The following THSD4 variants were observed in gnomAD, a reference collection of about 807,000 sequenced individuals.
The protein encoded by THSD4 is thrombospondin type-1 domain-containing protein 4.
A neutral mutation model predicts 119.0 loss-of-function variants in THSD4; 69 were observed. That is an observed-to-expected ratio of 0.58 (90% CI 0.48 to 0.71). THSD4 has a LOEUF of 0.71. Ranked by LOEUF, THSD4 falls within the 30% of genes least tolerant of loss-of-function variation. The pLI, the probability that THSD4 is intolerant of heterozygous loss-of-function variation, is 0.00. For missense variants in THSD4, 1,393 were observed against 1,391.1 expected, an observed-to-expected ratio of 1.00 and a Z score of -0.02; for synonymous variants, 524 against 540.4, an observed-to-expected ratio of 0.97 and a Z score of 0.42.
intron 8 of THSD4, among the ~76,000 whole-genome samples, chr15:71,684,746 T>C (rs991171939): frequency 5.9e-5 from 9 of 152,126 alleles, no homozygotes; most frequent in Non-Finnish European, 1.0e-4. Flanking sequence ...CATTTTGTGC[T>C]ACCTCTCTGA....
At chr15:71,707,930 C>G (rs754570888) in intron 8 of THSD4, among the ~76,000 whole-genome samples, 3 of 152,310 alleles carry the variant, frequency 2.0e-5, no homozygotes, top group Admixed American at 6.5e-5. Context: ...CTGTGTTGTG[C>G]AAGAGTATAT....
intron 7 of THSD4, among the ~76,000 whole-genome samples, chr15:71,644,907 G>A (rs1337567106): frequency 1.4e-5 from 2 of 140,730 alleles, no homozygotes; most frequent in Non-Finnish European, 3.1e-5. Flanking sequence ...ATCCTTAGGC[G>A]GCAATAACGG....
At chr15:71,337,015 G>A (rs776769406) in intron 6 of THSD4, among the ~76,000 whole-genome samples, 40 of 152,174 alleles carry the variant, frequency 2.6e-4, no homozygotes, top group Admixed American at 3.3e-4. Flanking sequence ...AGAGAGAGGG[G>A]AGAGGGAGTG....
chr15:71,660,648 G>T lies in THSD4; in HGVS notation c.1271G>T (p.Ser424Ile). 1 of 1,614,208 alleles carries T rather than the reference G, an allele frequency of 6.2e-7. No homozygotes were observed. The highest frequency in any genetic ancestry group is 8.5e-7 in the Non-Finnish European group (1 of 1,180,030). ...GGCGTGTTTAAGCATGCCCTCACCA[G>T]CCTGGGCTACCACCGCGTCGTGGAG... ...VSGVFKHALT[S>I]LGYHRVVEIP... Residue 424 changes from serine (S) to isoleucine (I), a missense_variant, in exon 8 of 18, where the codon AGC (serine) becomes ATC (isoleucine). Physicochemically the swap from Ser to Ile is moderately radical, Grantham distance 142. Coordinates refer to ENST00000261862, the MANE Select transcript of THSD4 (RefSeq NM_024817.3).
chr15:71,282,462 G>A (rs1402370018), intron 6 of THSD4, among the ~76,000 whole-genome samples: 6 of 92,452 alleles, frequency 6.5e-5, no homozygotes, highest in Admixed American at 2.7e-4. Flanking sequence ...TTGTAAATGT[G>A]AGGTTGATCC....
At chr15:71,752,127 T>C (rs1270252691) in intron 14 of THSD4, among the ~76,000 whole-genome samples, 3 of 152,176 alleles carry the variant, frequency 2.0e-5, no homozygotes, top group Non-Finnish European at 2.9e-5. Flanking sequence ...TTTGCCACTC[T>C]CTGAAAAGGC....
chr15:71,567,596 A>ACCCC (rs149069118), intron 7 of THSD4, among the ~76,000 whole-genome samples: 2,129 of 131,902 alleles, frequency 0.016, 32 homozygotes, highest in African/African-American at 0.027. Context: ...GAACAAAGAC[A>ACCCC]CCCCCCCACA....
At chr15:71,750,150 A>C (rs1027762198) in intron 14 of THSD4, among the ~76,000 whole-genome samples, 1 of 152,100 alleles carries the variant, frequency 6.6e-6, no homozygotes, top group African/African-American at 2.4e-5. Context: ...ATCTTAGGAG[A>C]CACGATGCAG....
chr15:71,537,257 C>T (rs1208324558), intron 7 of THSD4, among the ~76,000 whole-genome samples: 1 of 152,154 alleles, frequency 6.6e-6, no homozygotes, highest in Non-Finnish European at 1.5e-5. Context: ...CCATTCTTGC[C>T]TCCCTCTAAT....
At chr15:71,727,854 C>A (rs1448161384) in intron 8 of THSD4, among the ~76,000 whole-genome samples, 1 of 151,308 alleles carries the variant, frequency 6.6e-6, no homozygotes, top group African/African-American at 2.4e-5. Flanking sequence ...TATAAATCAC[C>A]CATATTCATA....
chr15:71,439,175 C>T (rs1419211579), intron 7 of THSD4, among the ~76,000 whole-genome samples: 1 of 152,164 alleles, frequency 6.6e-6, no homozygotes, highest in Non-Finnish European at 1.5e-5. Context: ...CTTGAGGAAC[C>T]GTCTTCTGCC....
chr15:71,122,795 A>G (rs540106838), intron 1 of THSD4, among the ~76,000 whole-genome samples: 1 of 152,246 alleles, frequency 6.6e-6, no homozygotes, highest in East Asian at 1.9e-4. Context: ...CCCACTCTAA[A>G]AATTGGCACT....
intron 7 of THSD4, among the ~76,000 whole-genome samples, chr15:71,539,427 TCTTC>T (rs2140834285): frequency 6.6e-6 from 1 of 152,344 alleles, no homozygotes; most frequent in East Asian, 1.9e-4. Flanking sequence ...GCATCTTCCT[TCTTC>T]CTTCATAAAG....
At chr15:71,607,991 A>T (rs937288707) in intron 7 of THSD4, among the ~76,000 whole-genome samples, 1 of 152,112 alleles carries the variant, frequency 6.6e-6, no homozygotes. Flanking sequence ...TGGGAGGCCA[A>T]GGCGGGCGGA....
chr15:71,701,295 A>G (rs887783626), intron 8 of THSD4, among the ~76,000 whole-genome samples: 8 of 152,222 alleles, frequency 5.3e-5, no homozygotes, highest in African/African-American at 1.9e-4. Flanking sequence ...AATCAGGACA[A>G]TTCAGATTGT....
chr15:71,496,782 G>T (rs1391145603), intron 7 of THSD4, among the ~76,000 whole-genome samples: 1 of 152,174 alleles, frequency 6.6e-6, no homozygotes, highest in East Asian at 1.9e-4. Flanking sequence ...AAGTGACTCA[G>T]TCTCTACCAT....
At chr15:71,686,683 G>A (rs1433673030) in intron 8 of THSD4, among the ~76,000 whole-genome samples, 2 of 152,194 alleles carry the variant, frequency 1.3e-5, no homozygotes, top group African/African-American at 4.8e-5. Flanking sequence ...TAGTGATGGA[G>A]GACATGGTGC....
In THSD4 at chr15:71,200,634, T is replaced by C. The variant is rs117101406; in HGVS notation, c.100-14401T>C. On this transcript the variant is annotated intron_variant, in intron 3 of 17. Coordinates refer to ENST00000261862, the MANE Select transcript of THSD4 (RefSeq NM_024817.3). ...AAAAGGGTTAAGTGTTTGAAGGTTTTATACTTGCAGTAACCAAATAGTTTT... is the reference window on the plus strand; with the variant it reads ...AAAAGGGTTAAGTGTTTGAAGGTTTCATACTTGCAGTAACCAAATAGTTTT... Among the ~76,000 whole-genome samples the C allele has an allele frequency of 1.8e-3, 267 of 152,356 alleles. 1 individual carries two copies. The highest frequency in any genetic ancestry group is 6.8e-3 in the Middle Eastern group (2 of 294).
At chr15:71,576,177 T>C (rs1010526331) in intron 7 of THSD4, among the ~76,000 whole-genome samples, 2 of 152,208 alleles carry the variant, frequency 1.3e-5, no homozygotes, top group Non-Finnish European at 2.9e-5. Context: ...AAATTCTTTT[T>C]GGAAATTTTG....
Sources: allele counts gnomAD v4.1 joint callset (sites outside exome capture counted in the v4.1 genomes callset), GRCh38; gene constraint gnomAD v4.1.1; transcripts MANE v1.5; gene names NCBI Gene and HGNC (gene_info 2026-07-23, HGNC 2026-07-21).